RAB7A: variants seen among roughly 807,000 people sequenced by gnomAD.
The protein encoded by RAB7A is RAB7A, member RAS oncogene family.
RAB7A carries 2 observed loss-of-function variants against 24.5 expected under a neutral mutation model. The observed-to-expected ratio is 0.08, with a 90% CI of 0.03 to 0.26. The LOEUF (loss-of-function observed/expected upper bound fraction) is 0.26, where lower values mean the gene tolerates loss of function less well. RAB7A is among the 10% of genes least tolerant of loss of function. The pLI is 1.00. For missense variants in RAB7A, 118 were observed against 255.7 expected, an observed-to-expected ratio of 0.46 and a Z score of 3.67; for synonymous variants, 100 against 95.9, an observed-to-expected ratio of 1.04 and a Z score of -0.25.
Position 128,802,020 on chromosome 3 carries a change from G to A in RAB7A, c.180+3951G>A, listed in dbSNP as rs1268024574. 2.6e-5 allele frequency among the ~76,000 whole-genome samples: 4 copies of A among 152,218 alleles called. No homozygotes were observed. The South Asian group carries it at 8.3e-4, about 32-fold the overall frequency. Reference sequence around the variant, plus strand: ...GGCAGCACAGTGTTCTGTCTCTGCTGAAATAACCCTCCTGAATGAAAGAGT... The same window carrying A: ...GGCAGCACAGTGTTCTGTCTCTGCTAAAATAACCCTCCTGAATGAAAGAGT... On this transcript the variant is annotated intron_variant, in intron 3 of 5. Transcript: ENST00000265062.
At chr3:128,737,651 CTT>C (rs76319408) in intron 1 of RAB7A, among the ~76,000 whole-genome samples, 37 of 138,584 alleles carry the variant, frequency 2.7e-4, no homozygotes, top group Non-Finnish European at 2.4e-4. Flanking sequence ...TTCTGTCTCT[CTT>C]TTTTTTTTTT....
intron 1 of RAB7A, among the ~76,000 whole-genome samples, chr3:128,792,266 A>G (rs561430645): frequency 1.3e-5 from 2 of 152,272 alleles, no homozygotes; most frequent in East Asian, 3.9e-4. Flanking sequence ...TTTTAATATT[A>G]TTAAACAGCA....
Position 128,807,599 on chromosome 3 carries a change from T to C in RAB7A, c.456T>C (p.Phe152=). The C allele has an allele frequency of 1.2e-6, 2 of 1,614,138 alleles. No individual in the cohort carries two copies. The highest frequency in any genetic ancestry group is 1.7e-6 in the Non-Finnish European group (2 of 1,179,990). Residue 152 remains phenylalanine (F), a synonymous_variant, in exon 5 of 6, where the codon TTT becomes TTC. Transcript: ENST00000265062. ...ACAGCAAAAACAACATTCCCTACTTTGAGACCAGTGCCAAGGAGGCCATCA... is the reference window on the plus strand; with the variant it reads ...ACAGCAAAAACAACATTCCCTACTTCGAGACCAGTGCCAAGGAGGCCATCA... ...WCYSKNNIPY[F]ETSAKEAINV... is the part of the protein sequence containing the mutation.
chr3:128,806,723 C>G, intron 4 of RAB7A, 133 bp downstream of exon 4: 1 of 935,526 alleles, frequency 1.1e-6, no homozygotes, highest in Non-Finnish European at 1.7e-6. Flanking sequence ...ATATGCCAGC[C>G]CTTCAGGCCA....
intron 3 of RAB7A, chr3:128,799,199 C>CA (rs1159490776): frequency 6.6e-6 from 1 of 152,062 alleles, no homozygotes; most frequent in Non-Finnish European, 1.5e-5. Context: ...CCAAGACGTT[C>CA]ATGCATTACG....
chr3:128,740,207 GTC>G (rs1398529853), intron 1 of RAB7A, among the ~76,000 whole-genome samples: 1 of 151,922 alleles, frequency 6.6e-6, no homozygotes, highest in East Asian at 1.9e-4. Flanking sequence ...GTGAAATCCC[GTC>G]TCTACTAAAA....
chr3:128,773,756 G>A (rs1242403552), intron 1 of RAB7A, among the ~76,000 whole-genome samples: 1 of 152,144 alleles, frequency 6.6e-6, no homozygotes, highest in Admixed American at 6.5e-5. Context: ...TTCTGCCTTG[G>A]GATGCTGTTG....
intron 1 of RAB7A, among the ~76,000 whole-genome samples, chr3:128,729,834 C>T (rs1247956749): frequency 1.3e-5 from 2 of 152,184 alleles, no homozygotes; most frequent in Non-Finnish European, 2.9e-5. Flanking sequence ...TGTAGGCAGG[C>T]TTTTCCTGGG....
intron 4 of RAB7A, among the ~76,000 whole-genome samples, chr3:128,806,847 C>A (rs542682476): frequency 4.2e-4 from 64 of 152,352 alleles, no homozygotes; most frequent in African/African-American, 1.5e-3. Context: ...TCCCTTTCTG[C>A]ACTTTGAAGG....
At chr3:128,727,873 G>A (rs2070396074) in intron 1 of RAB7A, among the ~76,000 whole-genome samples, 1 of 152,122 alleles carries the variant, frequency 6.6e-6, no homozygotes, top group Non-Finnish European at 1.5e-5. Flanking sequence ...AGGACTGGAA[G>A]GTGAGTTAGG....
At chr3:128,730,308 C>G (rs1045992960) in intron 1 of RAB7A, among the ~76,000 whole-genome samples, 3 of 151,890 alleles carry the variant, frequency 2.0e-5, no homozygotes, top group Admixed American at 2.0e-4. Context: ...CAGCTCACTG[C>G]AAGCTCCACC....
intron 1 of RAB7A, among the ~76,000 whole-genome samples, chr3:128,753,771 A>G (rs2070707630): frequency 6.6e-6 from 1 of 152,158 alleles, no homozygotes; most frequent in South Asian, 2.1e-4. Context: ...TGGAGCTAGT[A>G]TGGCCTAATC....
intron 3 of RAB7A, among the ~76,000 whole-genome samples, chr3:128,804,144 GACTTCA>G (rs1192629868): frequency 2.0e-5 from 3 of 148,612 alleles, no homozygotes; most frequent in South Asian, 4.2e-4. Context: ...TGTGCAGTTA[GACTTCA>G]ACTTCAACTT....
At chr3:128,751,164 A>T (rs1224304167) in intron 1 of RAB7A, among the ~76,000 whole-genome samples, 7 of 152,186 alleles carry the variant, frequency 4.6e-5, no homozygotes, top group Non-Finnish European at 7.4e-5. Flanking sequence ...GTGGAAGGGA[A>T]ATGTTGGGAT....
chr3:128,770,789 G>C (rs2070877484), intron 1 of RAB7A, among the ~76,000 whole-genome samples: 1 of 151,990 alleles, frequency 6.6e-6, no homozygotes, highest in Non-Finnish European at 1.5e-5. Context: ...AATTAAGAAG[G>C]CAAATCTCCC....
At chr3:128,795,247 A>G in intron 1 of RAB7A, 113 bp from the exon 2 acceptor site, 1 of 858,026 alleles carries the variant, frequency 1.2e-6, no homozygotes, top group Non-Finnish European at 2.0e-6. Flanking sequence ...GATACCTAGC[A>G]GGAAGGTTCA....
At position 128,762,628 on chromosome 3, in the gene RAB7A, T is replaced by C. The variant is rs547228846; in HGVS notation, c.-8-32732T>C. On this transcript the variant is annotated intron_variant, in intron 1 of 5. Coordinates refer to ENST00000265062, the MANE Select transcript of RAB7A (RefSeq NM_004637.6). ...CTGGTCAGACAAACTTGGAGTACTT[T>C]GGAAGGTTTGCTTTGGGGCATTTCT... Among the ~76,000 whole-genome samples, 3 of 152,312 alleles carry C rather than the reference T, an allele frequency of 2.0e-5. No individual in the cohort carries two copies. The East Asian group carries it at 5.8e-4, about 29-fold the overall frequency.
chr3:128,790,348 T>C (rs1465933709), intron 1 of RAB7A, among the ~76,000 whole-genome samples: 1 of 152,188 alleles, frequency 6.6e-6, no homozygotes, highest in Non-Finnish European at 1.5e-5. Flanking sequence ...CATCAGAAAT[T>C]GATTTGAAAA....
chr3:128,749,731 C>T (rs563394582), intron 1 of RAB7A, among the ~76,000 whole-genome samples: 6 of 152,278 alleles, frequency 3.9e-5, no homozygotes, highest in African/African-American at 7.2e-5. Context: ...CTTTGCCTGC[C>T]GCCATCCATG....
Sources: allele counts gnomAD v4.1 joint callset (sites outside exome capture counted in the v4.1 genomes callset), GRCh38; gene constraint gnomAD v4.1.1; transcripts MANE v1.5; gene names NCBI Gene and HGNC (gene_info 2026-07-23, HGNC 2026-07-21).